Variants in MCCC1 observed in about 807,000 individuals in gnomAD.
MCCC1 encodes methylcrotonoyl-CoA carboxylase subunit alpha, mitochondrial.
A neutral mutation model predicts 83.8 loss-of-function variants in MCCC1; 64 were observed. The observed-to-expected ratio is 0.76, with a 90% confidence interval of 0.62 to 0.94. The LOEUF is 0.94. Ranked by LOEUF, MCCC1 falls within the 40% of genes least tolerant of loss-of-function variation. The pLI, the probability that MCCC1 is intolerant of heterozygous loss-of-function variation, is 0.00. For synonymous variants in MCCC1, 322 were observed against 315.4 expected, an observed-to-expected ratio of 1.02 and a Z score of -0.22; for missense variants, 807 against 904.7, an observed-to-expected ratio of 0.89 and a Z score of 1.39.
intron 10 of MCCC1, among the ~76,000 whole-genome samples, chr3:183,044,443 A>G (rs964655848): frequency 2.0e-5 from 3 of 152,240 alleles, no homozygotes; most frequent in Admixed American, 2.0e-4. Flanking sequence ...CAATGCCAAA[A>G]TGCTTTAAAA....
chr3:183,090,437 G>GTA (rs1718232870), intron 3 of MCCC1, among the ~76,000 whole-genome samples: 1 of 152,090 alleles, frequency 6.6e-6, no homozygotes, highest in Non-Finnish European at 1.5e-5. Context: ...AATCATAATT[G>GTA]TATGCATTTA....
chr3:183,108,934 A>T (rs536496038), intron 1 of MCCC1, among the ~76,000 whole-genome samples: 59 of 151,862 alleles, frequency 3.9e-4, no homozygotes, highest in African/African-American at 1.4e-3. Context: ...TTTTTAAAAA[A>T]TTTTTCTTTT....
At chr3:183,107,959 G>T (rs1392489210) in intron 1 of MCCC1, among the ~76,000 whole-genome samples, 1 of 152,130 alleles carries the variant, frequency 6.6e-6, no homozygotes, top group East Asian at 1.9e-4. Flanking sequence ...AATAAAATCA[G>T]ATTAAATTTA....
At chr3:183,020,265 G>A (rs372078002) in intron 16 of MCCC1, 28 bp from the exon 17 acceptor site, 96 of 1,508,748 alleles carry the variant, frequency 6.4e-5, no homozygotes, top group Non-Finnish European at 7.8e-5. Context: ...ACTGAAAACC[G>A]AATCAACATC....
At chr3:183,017,211 T>A in intron 18 of MCCC1, 55 bp downstream of exon 18, 1 of 1,449,448 alleles carries the variant, frequency 6.9e-7, no homozygotes. Flanking sequence ...AAAAGAACCA[T>A]TAGGTATGAT....
At position 183,020,219 on chromosome 3, in the gene MCCC1, C is replaced by G; in HGVS notation, c.1888G>C (p.Asp630His). The G allele has an allele frequency of 6.2e-7, 1 of 1,613,830 alleles. No individual in the cohort carries two copies. The highest frequency in any genetic ancestry group is 8.5e-7 in the Non-Finnish European group (1 of 1,179,766). Reference sequence around the variant, plus strand: ...GATAAGTATTTGGGGACTGGAATGTCAATCTCAATACTTCCTTCCTAGAAA... The same window carrying G: ...GATAAGTATTTGGGGACTGGAATGTGAATCTCAATACTTCCTTCCTAGAAA... Reference protein sequence around the residue: ...LFSKEGSIEIDIPVPKYLSSV... With the variant: ...LFSKEGSIEIHIPVPKYLSSV... Residue 630 changes from aspartate to histidine, a missense_variant, in exon 17 of 19, where the codon GAC (aspartate) becomes CAC (histidine). Physicochemically the swap from Asp to His is moderately conservative, Grantham distance 81 (BLOSUM62 -1). Transcript: ENST00000265594.
chr3:183,062,125 C>T (rs905631873), intron 7 of MCCC1, among the ~76,000 whole-genome samples: 10 of 152,192 alleles, frequency 6.6e-5, no homozygotes, highest in Non-Finnish European at 1.3e-4. Flanking sequence ...CCATGTGGAA[C>T]TGTGAGTCCA....
At chr3:183,113,760 G>A (rs1450151612) in intron 1 of MCCC1, among the ~76,000 whole-genome samples, 2 of 152,050 alleles carry the variant, frequency 1.3e-5, no homozygotes, top group East Asian at 3.9e-4. Flanking sequence ...TGGTAAAAGT[G>A]TTTCCCAGAG....
At chr3:183,047,144 TATTTTATCAGAGCCTAAACGATTGGG>T (rs1328959240) in intron 9 of MCCC1, among the ~76,000 whole-genome samples, 6 of 152,186 alleles carry the variant, frequency 3.9e-5, no homozygotes, top group African/African-American at 1.4e-4. Context: ...TGAGAAAAAC[TATTTTATCAGAGCCTAAACGATTGGG>T]ATTTTATCAG....
intron 1 of MCCC1, among the ~76,000 whole-genome samples, chr3:183,095,882 G>A (rs1223835133): frequency 6.6e-6 from 1 of 152,144 alleles, no homozygotes; most frequent in Non-Finnish European, 1.5e-5. Flanking sequence ...GAGAAATGGG[G>A]AGACAAAATG....
At chr3:183,041,540 G>A in intron 11 of MCCC1, 27 bp downstream of exon 11, 1 of 1,613,348 alleles carries the variant, frequency 6.2e-7, no homozygotes. Context: ...TAAAAAGAGT[G>A]AGACTTTTCA....
chr3:183,062,752 T>G (rs1715940670), intron 7 of MCCC1, among the ~76,000 whole-genome samples: 1 of 152,222 alleles, frequency 6.6e-6, no homozygotes, highest in Admixed American at 6.5e-5. Context: ...CTGTAGTCAT[T>G]CAATCAGTCT....
At chr3:183,050,430 C>T (rs1442702892) in intron 9 of MCCC1, among the ~76,000 whole-genome samples, 4 of 148,980 alleles carry the variant, frequency 2.7e-5, no homozygotes, top group Non-Finnish European at 4.5e-5. Context: ...CGGCCGGGCG[C>T]GGTGGCTCAA....
At chr3:183,048,054 G>A (rs1483637051) in intron 9 of MCCC1, among the ~76,000 whole-genome samples, 1 of 152,152 alleles carries the variant, frequency 6.6e-6, no homozygotes, top group Non-Finnish European at 1.5e-5. Flanking sequence ...TCACTGGATA[G>A]GAATTTTTCA....
intron 1 of MCCC1, among the ~76,000 whole-genome samples, chr3:183,113,509 A>G (rs192583700): frequency 1.1e-4 from 16 of 151,938 alleles, no homozygotes; most frequent in Admixed American, 2.6e-4. Context: ...GCACATGTAT[A>G]CATATGTAAC....
At chr3:183,054,299 C>T (rs1439273636) in intron 8 of MCCC1, among the ~76,000 whole-genome samples, 3 of 150,076 alleles carry the variant, frequency 2.0e-5, no homozygotes, top group African/African-American at 4.9e-5. Context: ...CATTCTCCTG[C>T]CTCAGCCTCC....
Position 183,037,454 on chromosome 3 carries a change from C to T in MCCC1, c.1378-20G>A, listed in dbSNP as rs1224706547. The T allele has an allele frequency of 1.3e-6, 2 of 1,585,132 alleles. No homozygotes were observed. Among genetic ancestry groups the T allele is most frequent in the Non-Finnish European group, 1.7e-6 (2 of 1,153,572 alleles). Reference sequence around the variant, plus strand: ...AACAATCTAGGAAGAGAATAAACCCCCAGTTCCTGCTGAGTGGGGAAAACA... The same window carrying T: ...AACAATCTAGGAAGAGAATAAACCCTCAGTTCCTGCTGAGTGGGGAAAACA... On this transcript the variant is annotated intron_variant, in intron 12 of 18. Transcript: ENST00000265594.
chr3:183,035,658 T>TGGATTTGG (rs1268210424), intron 13 of MCCC1, among the ~76,000 whole-genome samples: 3 of 152,154 alleles, frequency 2.0e-5, no homozygotes, highest in Non-Finnish European at 4.4e-5. Flanking sequence ...TGGAGCATTT[T>TGGATTTGG]GGATTTGGGG....
Position 183,099,427 on chromosome 3 carries a change from G to C in MCCC1, c.14C>G (p.Ser5Cys). 6.2e-7 allele frequency: 1 copy of C among 1,605,866 alleles called. No individual in the cohort carries two copies. Among genetic ancestry groups the C allele is most frequent in the Non-Finnish European group, 8.5e-7 (1 of 1,177,334 alleles). MAAA[S>C]AVSVLLVAAE... ...CGCCACCAGCAGCACCGACACCGCA[G>C]AGGCCGCCGCCATGTCCCTGGAGCC... Residue 5 changes from serine to cysteine, a missense_variant, in exon 1 of 19, where the codon TCT becomes TGT. Coordinates refer to ENST00000265594, the MANE Select transcript of MCCC1 (RefSeq NM_020166.5).
Sources: allele counts gnomAD v4.1 joint callset (sites outside exome capture counted in the v4.1 genomes callset), GRCh38; gene constraint gnomAD v4.1.1; transcripts MANE v1.5; gene names NCBI Gene and HGNC (gene_info 2026-07-23, HGNC 2026-07-21).